ENTREP2: variants seen among roughly 807,000 people sequenced by gnomAD.
The protein encoded by ENTREP2 is endosomal transmembrane epsin interactor 2, also known as protein ENTREP2.
At chr15:29,496,231 C>T in the ENTREP2 span, among the ~76,000 whole-genome samples, 3 of 151,752 alleles carry the variant, frequency 2.0e-5, no homozygotes, top group African/African-American at 7.3e-5. Context: ...TGTACAGAAA[C>T]ACAACTGCTT....
At chr15:29,351,459 G>C in the ENTREP2 span, among the ~76,000 whole-genome samples, 1 of 152,088 alleles carries the variant, frequency 6.6e-6, no homozygotes. Context: ...AACAGGAGGA[G>C]TGATATGCTA....
At chr15:29,396,316 T>C in the ENTREP2 span, among the ~76,000 whole-genome samples, 1 of 146,996 alleles carries the variant, frequency 6.8e-6, no homozygotes, top group South Asian at 2.1e-4. Flanking sequence ...TTACCATGAG[T>C]TTGACTTTTT....
chr15:29,257,931 G>C, the ENTREP2 span, among the ~76,000 whole-genome samples: 1 of 151,804 alleles, frequency 6.6e-6, no homozygotes. Context: ...GGCCAACTTT[G>C]CTGGGCGCGG....
the ENTREP2 span, among the ~76,000 whole-genome samples, chr15:29,187,958 C>T: frequency 1.7e-4 from 26 of 152,220 alleles, no homozygotes; most frequent in African/African-American, 5.8e-4. Context: ...AGGGAGGCAC[C>T]ACAGAAAAGC....
chr15:29,124,581 TG>T, the ENTREP2 span: 1 of 889,326 alleles, frequency 1.1e-6, no homozygotes. Context: ...TTCCCGGGGG[TG>T]GGGTGAGGAG....
chr15:29,416,078 A>G, the ENTREP2 span, among the ~76,000 whole-genome samples: 1 of 152,194 alleles, frequency 6.6e-6, no homozygotes, highest in East Asian at 1.9e-4. Flanking sequence ...TGCCCAAGGT[A>G]ATTTATAGAT....
chr15:29,375,209 A>G, the ENTREP2 span: 1 of 152,328 alleles, frequency 6.6e-6, no homozygotes, highest in East Asian at 1.9e-4. Flanking sequence ...ACTCTTCTGC[A>G]TGCTGTATAC....
chr15:29,403,296 C>A, the ENTREP2 span, among the ~76,000 whole-genome samples: 1 of 152,082 alleles, frequency 6.6e-6, no homozygotes, highest in East Asian at 1.9e-4. Flanking sequence ...AGCCTCTGCC[C>A]CCCTCCCTTT....
chr15:29,405,014 G>C, the ENTREP2 span, among the ~76,000 whole-genome samples: 6 of 152,096 alleles, frequency 3.9e-5, no homozygotes, highest in Admixed American at 2.6e-4. Flanking sequence ...GAGAGCTACT[G>C]TAAGAGCCCT....
chr15:29,498,376 A>AT, the ENTREP2 span, among the ~76,000 whole-genome samples: 1 of 151,900 alleles, frequency 6.6e-6, no homozygotes, highest in Admixed American at 6.6e-5. Context: ...TTTCCTACTG[A>AT]TTTCTTCTGC....
chr15:29,197,594 C>T, the ENTREP2 span, among the ~76,000 whole-genome samples: 3 of 151,962 alleles, frequency 2.0e-5, no homozygotes, highest in Non-Finnish European at 4.4e-5. Context: ...AGTGAAACCC[C>T]GTCTCTACTA....
At chr15:29,343,335 G>T in the ENTREP2 span, among the ~76,000 whole-genome samples, 1 of 151,818 alleles carries the variant, frequency 6.6e-6, no homozygotes, top group African/African-American at 2.4e-5. Context: ...TACTGCGGGG[G>T]GCCTCATCCA....
chr15:29,647,315 CA>C, the ENTREP2 span, among the ~76,000 whole-genome samples: 2 of 152,268 alleles, frequency 1.3e-5, no homozygotes, highest in East Asian at 3.9e-4. Context: ...GGAATAAAAC[CA>C]ATTATACATT....
chr15:29,663,101 A>G, the ENTREP2 span, among the ~76,000 whole-genome samples: 1 of 152,178 alleles, frequency 6.6e-6, no homozygotes, highest in African/African-American at 2.4e-5. Context: ...GATCTGCTGT[A>G]ATTGCTCTGG....
At chr15:29,614,089 G>C in the ENTREP2 span, 2 of 152,988 alleles carry the variant, frequency 1.3e-5, no homozygotes, top group African/African-American at 4.8e-5. Context: ...ATGGCCACAA[G>C]ATGGCGGTCA....
chr15:29,343,580 CTCTCTT>C, the ENTREP2 span, among the ~76,000 whole-genome samples: 1 of 147,100 alleles, frequency 6.8e-6, no homozygotes, highest in Non-Finnish European at 1.5e-5. Flanking sequence ...GGCGCTCTCT[CTCTCTT>C]TCTCTCTCTT....
At chr15:29,532,578 A>G in the ENTREP2 span, among the ~76,000 whole-genome samples, 1 of 152,332 alleles carries the variant, frequency 6.6e-6, no homozygotes, top group South Asian at 2.1e-4. Flanking sequence ...CTGATGTGCC[A>G]AACAGCATCA....
the ENTREP2 span, among the ~76,000 whole-genome samples, chr15:29,246,886 T>G: frequency 6.6e-6 from 1 of 151,342 alleles, no homozygotes; most frequent in Non-Finnish European, 1.5e-5. Context: ...CCAGGCTACA[T>G]GGTTGACTAC....
At chr15:29,350,643 T>C in the ENTREP2 span, among the ~76,000 whole-genome samples, 1 of 152,184 alleles carries the variant, frequency 6.6e-6, no homozygotes, top group East Asian at 1.9e-4. Flanking sequence ...GCAATAATTA[T>C]TAATATTTCA....
Sources: gnomAD v4.1 joint callset for allele counts (sites outside exome capture counted in the v4.1 genomes callset) on GRCh38, gnomAD v4.1.1 for gene constraint, MANE v1.5 for transcripts, NCBI Gene and HGNC (gene_info 2026-07-23, HGNC 2026-07-21) for gene names.